DPP6: variants seen among roughly 807,000 people sequenced by gnomAD.
DPP6 encodes the protein A-type potassium channel modulatory protein DPP6.
DPP6 carries 69 observed loss-of-function variants against 122.6 expected under a neutral mutation model. That is an observed-to-expected ratio of 0.56 (90% confidence interval 0.46 to 0.69). The LOEUF (loss-of-function observed/expected upper bound fraction) is 0.69. Ranked by LOEUF, DPP6 falls within the 30% of genes least tolerant of loss-of-function variation. DPP6 has a pLI of 0.00. For synonymous variants in DPP6, 418 were observed against 433.1 expected (o/e 0.97, Z 0.43); for missense variants, 928 against 1,116.9 (o/e 0.83, Z 2.41).
chr7:154,783,050 C>G (rs1347437521), intron 10 of DPP6, among the ~76,000 whole-genome samples: 2 of 152,172 alleles, frequency 1.3e-5, no homozygotes, highest in Non-Finnish European at 2.9e-5. Flanking sequence ...TCCCAAAGTG[C>G]TGGGACATGC....
chr7:154,548,963 T>C (rs1205993915), intron 4 of DPP6, among the ~76,000 whole-genome samples: 1 of 152,122 alleles, frequency 6.6e-6, no homozygotes. Context: ...AAAGGGTGGA[T>C]AATTCCACAT....
intron 5 of DPP6, chr7:154,587,726 G>A (rs1204521493): frequency 7.1e-6 from 11 of 1,559,740 alleles, no homozygotes; most frequent in Non-Finnish European, 8.7e-6. Flanking sequence ...AGTCAAGCCT[G>A]TAGCCCAGCT....
rs7783090 is a variant in DPP6, at chr7:154,833,533, A to T, written c.1667-20247A>T. 0.062 allele frequency among the ~76,000 whole-genome samples: 9,473 copies of T among 152,132 alleles called. 956 individuals carry two copies. The highest frequency in any genetic ancestry group is 0.21 in the African/African-American group (8,840 of 41,460). On this transcript the variant is annotated intron_variant, in intron 16 of 25. Transcript: ENST00000377770. This position sits in a 1 kb window ranked among gnomAD's most constrained non-coding sequence, Gnocchi z 4.3. ...TATTATCTGAAACACTCAGAGCAGG[A>T]CCTGTTGCTGGTAGACGGTGGTGAT...
intron 1 of DPP6, among the ~76,000 whole-genome samples, chr7:154,355,938 T>G (rs1278091682): frequency 6.6e-6 from 1 of 152,206 alleles, no homozygotes; most frequent in Non-Finnish European, 1.5e-5. Flanking sequence ...TTTACATATT[T>G]ACATTATAAA....
At chr7:154,883,892 CACA>C (rs1805763997) in intron 21 of DPP6, 2 of 113,500 alleles carry the variant, frequency 1.8e-5, no homozygotes, top group Non-Finnish European at 3.5e-5. Context: ...TACATGCTCA[CACA>C]CATTACATAC....
At chr7:154,619,140 A>G (rs1834467832) in intron 5 of DPP6, among the ~76,000 whole-genome samples, 1 of 152,190 alleles carries the variant, frequency 6.6e-6, no homozygotes, top group African/African-American at 2.4e-5. Flanking sequence ...CTGTGACTCC[A>G]TTAAACCTCC....
At chr7:154,169,870 A>G (rs1488216616) in intron 1 of DPP6, among the ~76,000 whole-genome samples, 2 of 152,144 alleles carry the variant, frequency 1.3e-5, no homozygotes, top group African/African-American at 4.8e-5. Context: ...AGCTGAGACT[A>G]TAGGCACGCG....
upstream of DPP6, among the ~76,000 whole-genome samples, chr7:153,884,608 A>G (rs1188337828): frequency 1.3e-5 from 2 of 152,210 alleles, no homozygotes; most frequent in East Asian, 3.9e-4. Flanking sequence ...TTCTTAACAT[A>G]AAGGTTTAAT....
intron 6 of DPP6, among the ~76,000 whole-genome samples, chr7:154,651,103 A>G (rs1836848115): frequency 2.0e-5 from 3 of 152,140 alleles, no homozygotes; most frequent in Non-Finnish European, 4.4e-5. Context: ...CCAGTACTGC[A>G]CTAGCTTCCA....
chr7:154,718,057 A>G (rs1841590658), intron 7 of DPP6, among the ~76,000 whole-genome samples: 1 of 152,128 alleles, frequency 6.6e-6, no homozygotes, highest in South Asian at 2.1e-4. Flanking sequence ...CTTCTTTTGG[A>G]AAATGTCTAT....
intron 15 of DPP6, 48 bp downstream of exon 15, chr7:154,805,012 A>G: frequency 6.4e-7 from 1 of 1,560,882 alleles, no homozygotes; most frequent in East Asian, 2.4e-5. Flanking sequence ...TTAGGAGGGC[A>G]TCCAGGCTTT....
At chr7:153,855,490 T>G in the DPP6 span, among the ~76,000 whole-genome samples, 2 of 152,232 alleles carry the variant, frequency 1.3e-5, no homozygotes, top group East Asian at 1.9e-4. Context: ...CTTTTTACTG[T>G]TTGCTGCTGT....
chr7:153,813,734 G>C, the DPP6 span, among the ~76,000 whole-genome samples: 2 of 151,678 alleles, frequency 1.3e-5, no homozygotes, highest in African/African-American at 4.8e-5. Flanking sequence ...GGTGTGAGAT[G>C]GTATCTCATT....
intron 1 of DPP6, among the ~76,000 whole-genome samples, chr7:153,901,571 T>G (rs1389438425): frequency 6.6e-6 from 1 of 152,200 alleles, no homozygotes; most frequent in Non-Finnish European, 1.5e-5. Context: ...CTAATGATAA[T>G]GAAGAAACTT....
the DPP6 span, among the ~76,000 whole-genome samples, chr7:153,853,931 C>T: frequency 6.7e-6 from 1 of 149,102 alleles, no homozygotes; most frequent in Non-Finnish European, 1.5e-5. Flanking sequence ...ATGCCTATGT[C>T]CTGAATGGTC....
chr7:154,890,686 A>G (rs28537726), intron 25 of DPP6: 40,528 of 152,090 alleles, frequency 0.27, 7,083 homozygotes, highest in East Asian at 0.5. Context: ...ACATGTGGGC[A>G]CAGCAAAGGC....
the DPP6 span, among the ~76,000 whole-genome samples, chr7:153,871,050 G>T: frequency 6.6e-6 from 1 of 152,208 alleles, no homozygotes; most frequent in East Asian, 1.9e-4. Context: ...TGAGGTGTCA[G>T]TCTGCCCCTC....
rs909643445 is a variant in DPP6, at chr7:154,411,078, A to C, written c.244-35136A>C. On this transcript the variant is annotated intron_variant, in intron 1 of 25. Transcript: ENST00000377770. ...ATTCCCTTGGAAGATCACAAAGGAC[A>C]TCCGTCTCCACCTTTGCTTAAACCT... Among the ~76,000 whole-genome samples, 2 of 152,222 alleles carry C rather than the reference A, an allele frequency of 1.3e-5. 1 individual carries two copies. The highest frequency in any genetic ancestry group is 4.1e-4 in the South Asian group (2 of 4,836).
intron 5 of DPP6, among the ~76,000 whole-genome samples, chr7:154,572,487 A>G (rs1305169596): frequency 1.4e-5 from 2 of 147,800 alleles, no homozygotes; most frequent in South Asian, 2.1e-4. Context: ...TTCTGAGTAT[A>G]TGAGTTTCTT....
Sources: gnomAD v4.1 joint callset for allele counts (sites outside exome capture counted in the v4.1 genomes callset) on GRCh38, gnomAD v4.1.1 for gene constraint, Gnocchi (gnomAD v3.1) non-coding constraint, MANE v1.5 for transcripts, NCBI Gene and HGNC (gene_info 2026-07-23, HGNC 2026-07-21) for gene names.